Variants in PSEN2 observed in about 807,000 individuals in gnomAD.
PSEN2 encodes the protein presenilin-2.
PSEN2 carries 32 observed loss-of-function variants against 49.1 expected under a neutral mutation model. The observed-to-expected ratio is 0.65, with a 90% confidence interval of 0.49 to 0.88. The LOEUF is 0.88. Ranked by LOEUF, PSEN2 falls within the 40% of genes least tolerant of loss-of-function variation. PSEN2 has a pLI of 0.00. For synonymous variants in PSEN2, 255 were observed against 244.0 expected (o/e 1.05, Z -0.42); for missense variants, 522 against 586.9 (o/e 0.89, Z 1.14).
downstream of PSEN2, among the ~76,000 whole-genome samples, chr1:226,901,197 A>G (rs1662304078): frequency 2.0e-5 from 3 of 152,168 alleles, no homozygotes; most frequent in South Asian, 6.2e-4. Flanking sequence ...GCACTGTGGG[A>G]GGCCGAGGTG....
rs191052430 is a variant in PSEN2, at chr1:226,871,314, A to G, written c.-297A>G. 1 of 152,210 alleles carries G rather than the reference A, an allele frequency of 6.6e-6. No homozygotes were observed. Among genetic ancestry groups the G allele is most frequent in the East Asian group, 1.9e-4 (1 of 5,180 alleles). 9.4% of individuals were successfully genotyped at this position (152,210 alleles called of 1,614,324 possible). ...GAAGCAAGCTTTTGGAGCTGAAGGAACCTGAGACAGAAGCTAGTCCCCCCT... is the reference window on the plus strand; with the variant it reads ...GAAGCAAGCTTTTGGAGCTGAAGGAGCCTGAGACAGAAGCTAGTCCCCCCT... On this transcript the variant is annotated 5_prime_UTR_variant, in exon 2 of 13. Transcript: ENST00000366783.
chr1:226,880,666 A>G (rs1354867487), intron 3 of PSEN2: 1 of 1,612,864 alleles, frequency 6.2e-7, no homozygotes, highest in Non-Finnish European at 8.5e-7. Flanking sequence ...GGACTGTCAG[A>G]TTTGCCAGGC....
rs1453363055 is a variant in PSEN2, at chr1:226,874,610, A to G, written c.-206-755A>G. Among the ~76,000 whole-genome samples, 3 of 152,230 alleles carry G rather than the reference A, an allele frequency of 2.0e-5. No homozygotes were observed. The East Asian group carries it at 5.8e-4, about 29-fold the overall frequency. ...CCGTAACTTTCCAAGAGGCACATCCATAGGCTACCGTGTCCTTTCTCACTG... is the reference window on the plus strand; with the variant it reads ...CCGTAACTTTCCAAGAGGCACATCCGTAGGCTACCGTGTCCTTTCTCACTG... On this transcript the variant is annotated intron_variant, in intron 2 of 12. Coordinates refer to ENST00000366783, the MANE Select transcript of PSEN2 (RefSeq NM_000447.3).
At chr1:226,886,040 A>G (rs2236912) in intron 6 of PSEN2, among the ~76,000 whole-genome samples, 1 of 146,496 alleles carries the variant, frequency 6.8e-6, no homozygotes, top group East Asian at 2.0e-4. Context: ...TAATTAAAAA[A>G]TTTTTTTTTG....
chr1:226,890,191 G>A (rs1661652906), intron 9 of PSEN2, 58 bp downstream of exon 9: 5 of 1,405,670 alleles, frequency 3.6e-6, no homozygotes, highest in Non-Finnish European at 4.0e-6. Context: ...CCTGTGGGGG[G>A]ACAGGGGCCT....
downstream of PSEN2, among the ~76,000 whole-genome samples, chr1:226,896,595 C>T (rs1046166470): frequency 1.3e-5 from 2 of 152,112 alleles, no homozygotes; most frequent in Non-Finnish European, 2.9e-5. Flanking sequence ...AGCACAGTGG[C>T]TCACACCTGT....
At chr1:226,896,382 T>C (rs554722100), downstream of PSEN2, among the ~76,000 whole-genome samples, 1 of 152,298 alleles carries the variant, frequency 6.6e-6, no homozygotes, top group Admixed American at 6.5e-5. Flanking sequence ...CACTGCCAGG[T>C]GGTTGCCAAA....
At chr1:226,888,759 A>G (rs1014776166) in intron 7 of PSEN2, 70 bp from the exon 8 acceptor site, 1 of 1,361,130 alleles carries the variant, frequency 7.3e-7, no homozygotes, top group Admixed American at 1.7e-5. Flanking sequence ...TTGGGACTGA[A>G]TGGTGGTAAA....
downstream of PSEN2, among the ~76,000 whole-genome samples, chr1:226,901,147 C>T (rs1662302845): frequency 6.6e-6 from 1 of 152,086 alleles, no homozygotes; most frequent in Admixed American, 6.5e-5. Flanking sequence ...ACTCAAAACA[C>T]CCAACAGGCT....
At chr1:226,879,256 C>A (rs1220179394) in intron 3 of PSEN2, among the ~76,000 whole-genome samples, 1 of 152,174 alleles carries the variant, frequency 6.6e-6, no homozygotes, top group East Asian at 1.9e-4. Flanking sequence ...TTTCCAAGGT[C>A]CTGCAGCTCT....
intron 2 of PSEN2, among the ~76,000 whole-genome samples, chr1:226,871,947 G>A (rs545656958): frequency 1.3e-5 from 2 of 152,278 alleles, no homozygotes; most frequent in Non-Finnish European, 2.9e-5. Flanking sequence ...AGAGACTGGA[G>A]TGAGGGCTTG....
intron 2 of PSEN2, among the ~76,000 whole-genome samples, chr1:226,872,126 G>A (rs1660338911): frequency 6.6e-6 from 1 of 152,182 alleles, no homozygotes; most frequent in Non-Finnish European, 1.5e-5. Flanking sequence ...AGGAGGAGGA[G>A]CAAGGGCTAG....
At chr1:226,896,189 G>A (rs1662139054), downstream of PSEN2, 1 of 159,704 alleles carries the variant, frequency 6.3e-6, no homozygotes, top group Non-Finnish European at 1.4e-5. Context: ...CAGGATGGAG[G>A]CAGTTTGCCC....
At chr1:226,883,138 G>A (rs1374041034) in intron 4 of PSEN2, among the ~76,000 whole-genome samples, 1 of 152,148 alleles carries the variant, frequency 6.6e-6, no homozygotes, top group South Asian at 2.1e-4. Flanking sequence ...CAGAGCCTGC[G>A]TCTTCTCAGA....
chr1:226,880,411 G>C, intron 3 of PSEN2: 7 of 939,458 alleles, frequency 7.5e-6, no homozygotes, highest in Non-Finnish European at 1.1e-5. Context: ...ATATATTGTG[G>C]GGTGACTTAC....
intron 6 of PSEN2, among the ~76,000 whole-genome samples, chr1:226,887,832 A>G (rs564330817): frequency 6.6e-6 from 1 of 152,276 alleles, no homozygotes; most frequent in Non-Finnish European, 1.5e-5. Flanking sequence ...GAACCAGTAG[A>G]GATGGGGGGA....
At chr1:226,874,619 C>T (rs774835596) in intron 2 of PSEN2, among the ~76,000 whole-genome samples, 3 of 152,174 alleles carry the variant, frequency 2.0e-5, no homozygotes, top group East Asian at 1.9e-4. Context: ...CATAGGCTAC[C>T]GTGTCCTTTC....
chr1:226,875,758 AATG>A (rs1354381898), intron 3 of PSEN2, among the ~76,000 whole-genome samples: 1 of 152,152 alleles, frequency 6.6e-6, no homozygotes, highest in African/African-American at 2.4e-5. Flanking sequence ...GGGTTTCCAT[AATG>A]ATTGCAGGAA....
chr1:226,880,635 C>G, intron 3 of PSEN2: 1 of 1,504,248 alleles, frequency 6.6e-7, no homozygotes. Flanking sequence ...CAGCCTCTGT[C>G]CCCGTCTGAG....
Sources: allele counts gnomAD v4.1 joint callset (sites outside exome capture counted in the v4.1 genomes callset), GRCh38; gene constraint gnomAD v4.1.1; transcripts MANE v1.5; gene names NCBI Gene and HGNC (gene_info 2026-07-23, HGNC 2026-07-21).